The following ADGRG2 variants were observed in gnomAD, a reference collection of about 807,000 sequenced individuals.
ADGRG2 encodes the protein G protein-coupled receptor 64.
ADGRG2 carries 26 observed loss-of-function variants against 74.1 expected under a neutral mutation model. The observed-to-expected ratio is 0.35, with a 90% confidence interval of 0.26 to 0.49. ADGRG2 has a LOEUF of 0.49. Among genes scored for constraint, ADGRG2 ranks in the 20% least tolerant of loss-of-function variants. The pLI, the probability that ADGRG2 is intolerant of heterozygous loss-of-function variation, is 0.99. For missense variants in ADGRG2, 619 were observed against 763.1 expected, an observed-to-expected ratio of 0.81 and a Z score of 2.22; for synonymous variants, 296 against 295.2, an observed-to-expected ratio of 1.00 and a Z score of -0.03.
intron 1 of ADGRG2, among the ~76,000 whole-genome samples, chrX:19,091,492 TCACACACA>T (rs57540002): frequency 0.015 from 1,272 of 82,609 alleles, 25 homozygotes; most frequent in African/African-American, 0.047. Flanking sequence ...AGATTTTATG[TCACACACA>T]CACACACACA....
At chrX:19,111,033 G>T (rs1392413150) in intron 1 of ADGRG2, among the ~76,000 whole-genome samples, 1 of 111,869 alleles carries the variant, frequency 8.9e-6, no homozygotes, top group Non-Finnish European at 1.9e-5. Flanking sequence ...GTAGAGAGAA[G>T]TGGGAAGACT....
chrX:19,088,063 A>G lies in ADGRG2; in HGVS notation c.-46-5317T>C, dbSNP rs375151151. 5.4e-5 allele frequency among the ~76,000 whole-genome samples: 6 copies of G among 111,700 alleles called. No individual in the cohort carries two copies. The South Asian group carries it at 1.5e-3, about 28-fold the overall frequency. On this transcript the variant is annotated intron_variant, in intron 1 of 28. Coordinates refer to ENST00000379869, the MANE Select transcript of ADGRG2 (RefSeq NM_001079858.3). ...CAGTGGTCTGGGTGAGGCAACCACC[A>G]ACTCTCTACCCAAGATGACAGAACT...
At chrX:19,079,116 A>G (rs1189774836) in intron 2 of ADGRG2, among the ~76,000 whole-genome samples, 2 of 112,075 alleles carry the variant, frequency 1.8e-5, no homozygotes, top group East Asian at 5.6e-4. Context: ...AATAGTAGGT[A>G]TAACCATTAA....
At chrX:19,084,537 C>T (rs1322815574) in intron 1 of ADGRG2, among the ~76,000 whole-genome samples, 5 of 111,678 alleles carry the variant, frequency 4.5e-5, no homozygotes, top group Non-Finnish European at 9.4e-5. Flanking sequence ...AACACATGTC[C>T]CAATGCTGAA....
At chrX:19,077,826 G>C (rs945181221) in intron 2 of ADGRG2, among the ~76,000 whole-genome samples, 1 of 112,223 alleles carries the variant, frequency 8.9e-6, no homozygotes, top group African/African-American at 3.2e-5. Flanking sequence ...CTGAATTGAA[G>C]ACTGAAGAAA....
At chrX:19,049,617 A>ATT (rs758277877) in intron 3 of ADGRG2, among the ~76,000 whole-genome samples, 1 of 106,888 alleles carries the variant, frequency 9.4e-6, no homozygotes, top group East Asian at 2.9e-4. Flanking sequence ...ACACTATGAG[A>ATT]TTTTTTTGTG....
intron 3 of ADGRG2, among the ~76,000 whole-genome samples, chrX:19,041,719 T>A (rs971412616): frequency 1.1e-4 from 12 of 111,940 alleles, no homozygotes; most frequent in Admixed American, 2.8e-4. Context: ...GTGCCCTAAT[T>A]TAATTGCAGT....
At chrX:19,030,417 C>G (rs769423753) in intron 9 of ADGRG2, among the ~76,000 whole-genome samples, 11 of 112,249 alleles carry the variant, frequency 9.8e-5, no homozygotes, top group Non-Finnish European at 1.7e-4. Context: ...ATAGCATGTT[C>G]TCAAGGGATT....
At chrX:19,010,089 G>A (rs749565330) in intron 17 of ADGRG2, among the ~76,000 whole-genome samples, 24 of 109,463 alleles carry the variant, frequency 2.2e-4, no homozygotes, top group Non-Finnish European at 3.8e-4. Flanking sequence ...GATTACAGGC[G>A]TGAGCCATCG....
intron 3 of ADGRG2, among the ~76,000 whole-genome samples, chrX:19,049,453 T>TG (rs2061267843): frequency 1.9e-5 from 2 of 103,839 alleles, no homozygotes; most frequent in African/African-American, 7.3e-5. Context: ...TTTTTTTTTT[T>TG]TTTTGTTGTT....
chrX:19,063,568 T>C (rs191779608), intron 3 of ADGRG2, among the ~76,000 whole-genome samples: 101 of 112,503 alleles, frequency 9.0e-4, no homozygotes, highest in African/African-American at 3.1e-3. Context: ...ATAATGTGCG[T>C]AAAGCACCTG....
At chrX:19,049,455 T>TGTTTGTTTTTTTTG (rs1555901681) in intron 3 of ADGRG2, among the ~76,000 whole-genome samples, 37 of 90,995 alleles carry the variant, frequency 4.1e-4, no homozygotes, top group African/African-American at 1.7e-3. Flanking sequence ...TTTTTTTTTT[T>TGTTTGTTTTTTTTG]TTGTTGTTGT....
chrX:19,090,565 G>A (rs1333753862), intron 1 of ADGRG2, among the ~76,000 whole-genome samples: 1 of 111,912 alleles, frequency 8.9e-6, no homozygotes, highest in Non-Finnish European at 1.9e-5. Context: ...AAATCAATAC[G>A]TTCATCTTGC....
intron 3 of ADGRG2, among the ~76,000 whole-genome samples, chrX:19,049,566 G>C (rs765273624): frequency 1.3e-4 from 14 of 107,610 alleles, no homozygotes; most frequent in Admixed American, 1.2e-3. Context: ...GCAGCCCACA[G>C]GCCACATGTG....
chrX:18,990,361 AAAC>A lies in ADGRG2; in HGVS notation c.*500_*502del, dbSNP rs1293048984. ...ATTTTCTGAATTATCACGTGAGACAAAACAACCATGATTCTACAAAGGAATACA... is the reference window on the plus strand; with the variant it reads ...ATTTTCTGAATTATCACGTGAGACAAAACCATGATTCTACAAAGGAATACA... On this transcript the variant is annotated 3_prime_UTR_variant, in exon 29 of 29. Transcript: ENST00000379869. 8.8e-6 allele frequency: 1 copy of A among 113,057 alleles called. No individual in the cohort carries two copies. The highest frequency in any genetic ancestry group is 3.2e-5 in the African/African-American group (1 of 31,035). The allele number at this position is 113,057 out of a possible 1,213,427, so 9.3% of individuals were successfully genotyped here.
intron 24 of ADGRG2, among the ~76,000 whole-genome samples, chrX:19,001,671 G>A (rs757986445): frequency 1.8e-4 from 20 of 111,861 alleles, no homozygotes; most frequent in Non-Finnish European, 2.4e-4. Flanking sequence ...GTGTTGTTCT[G>A]TTGTTCTTCA....
intron 13 of ADGRG2, among the ~76,000 whole-genome samples, chrX:19,022,476 T>A (rs2060611751): frequency 9.0e-6 from 1 of 111,327 alleles, no homozygotes; most frequent in African/African-American, 3.3e-5. Flanking sequence ...AATGAATAGT[T>A]TAATGAGTAG....
At chrX:19,042,312 G>A (rs998846541) in intron 3 of ADGRG2, among the ~76,000 whole-genome samples, 2 of 111,306 alleles carry the variant, frequency 1.8e-5, no homozygotes, top group Non-Finnish European at 3.8e-5. Flanking sequence ...GTCAGTGTGG[G>A]CAGGTAAAGT....
chrX:19,095,054 C>T (rs867740136), intron 1 of ADGRG2, among the ~76,000 whole-genome samples: 2 of 111,956 alleles, frequency 1.8e-5, no homozygotes, highest in African/African-American at 6.5e-5. Context: ...CTGAAAACTA[C>T]GAAACTGGAC....
Sources: gnomAD v4.1 joint callset for allele counts (sites outside exome capture counted in the v4.1 genomes callset) on GRCh38, gnomAD v4.1.1 for gene constraint, MANE v1.5 for transcripts, NCBI Gene and HGNC (gene_info 2026-07-23, HGNC 2026-07-21) for gene names.